Variants in CDC73 observed in about 807,000 individuals in gnomAD.
CDC73 encodes the protein cell division cycle 73.
Under a neutral mutation model 83.7 loss-of-function variants are expected in CDC73, and 21 were observed. The observed-to-expected ratio is 0.25, with a 90% CI of 0.18 to 0.36. The LOEUF is 0.36. Among genes scored for constraint, CDC73 ranks in the 10% least tolerant of loss-of-function variants. The pLI is 1.00. For synonymous variants in CDC73, 224 were observed against 212.9 expected (o/e 1.05, Z -0.45); for missense variants, 342 against 653.3 (o/e 0.52, Z 5.19).
At chr1:193,176,261 T>C (rs1378844907) in intron 10 of CDC73, among the ~76,000 whole-genome samples, 1 of 152,186 alleles carries the variant, frequency 6.6e-6, no homozygotes, top group Non-Finnish European at 1.5e-5. Context: ...CCTAAACCGT[T>C]TCCCTGATCT....
chr1:193,132,478 A>C (rs764120777), intron 3 of CDC73, among the ~76,000 whole-genome samples: 13 of 152,066 alleles, frequency 8.5e-5, no homozygotes, highest in South Asian at 2.1e-4. Context: ...GGATAGAAGA[A>C]ACTTTTTTTT....
rs760028950 is a variant in CDC73, at chr1:193,236,335, C to G, written c.1396C>G (p.Pro466Ala). 1 of 1,607,116 alleles carries G rather than the reference C, an allele frequency of 6.2e-7. No individual in the cohort carries two copies. Among genetic ancestry groups the G allele is most frequent in the Non-Finnish European group, 8.5e-7 (1 of 1,173,648 alleles). The change falls in exon 15 of 17, where the codon CCA becomes GCA. Residue 466 changes from proline (P) to alanine (A), a missense_variant. This residue lies in a region of CDC73 where 239 missense variants were observed against 420.6 expected (regional missense o/e 0.57). Transcript: ENST00000367435. ...GWPWLLPDGS[P>A]VDIFAKIKAF... ...GCCATGGCTTTTGCCTGATGGATCACCAGTTGATATATTTGCTAAAAGTAA... is the reference window on the plus strand; with the variant it reads ...GCCATGGCTTTTGCCTGATGGATCAGCAGTTGATATATTTGCTAAAAGTAA...
intron 10 of CDC73, chr1:193,186,748 T>C (rs1676817281): frequency 6.6e-6 from 1 of 152,166 alleles, no homozygotes; most frequent in Non-Finnish European, 1.5e-5. Context: ...TTTTATGTGA[T>C]AAATTATATA....
chr1:193,188,469 G>T (rs978774256), intron 10 of CDC73, among the ~76,000 whole-genome samples: 5 of 151,048 alleles, frequency 3.3e-5, no homozygotes, highest in African/African-American at 9.7e-5. Flanking sequence ...GAACACTGGC[G>T]CAGCATACCC....
intron 10 of CDC73, among the ~76,000 whole-genome samples, chr1:193,183,845 A>G (rs1323827090): frequency 4.0e-5 from 6 of 151,898 alleles, no homozygotes; most frequent in Non-Finnish European, 7.4e-5. Context: ...TTGAAGTCCA[A>G]TTATACAGAT....
chr1:193,136,159 A>G (rs926572374), intron 5 of CDC73, among the ~76,000 whole-genome samples: 5 of 152,166 alleles, frequency 3.3e-5, no homozygotes, highest in South Asian at 2.1e-4. Context: ...TTATGTTGCA[A>G]CTATTTTACT....
chr1:193,219,530 G>C (rs1294074961), intron 13 of CDC73, among the ~76,000 whole-genome samples: 1 of 152,048 alleles, frequency 6.6e-6, no homozygotes, highest in African/African-American at 2.4e-5. Flanking sequence ...AAGAAATCTG[G>C]TACATACATG....
intron 15 of CDC73, among the ~76,000 whole-genome samples, chr1:193,242,899 C>T (rs111984216): frequency 1.2e-4 from 18 of 151,632 alleles, no homozygotes; most frequent in South Asian, 6.3e-4. Flanking sequence ...CATTGTGCTG[C>T]GGTAAAACTG....
At chr1:193,239,598 A>G (rs760243178) in intron 15 of CDC73, among the ~76,000 whole-genome samples, 5 of 152,150 alleles carry the variant, frequency 3.3e-5, no homozygotes, top group Non-Finnish European at 7.4e-5. Flanking sequence ...GTTGGTTGAC[A>G]TTTAAAATTT....
intron 10 of CDC73, among the ~76,000 whole-genome samples, chr1:193,195,211 A>G (rs931594172): frequency 7.9e-5 from 12 of 152,102 alleles, no homozygotes; most frequent in Admixed American, 3.9e-4. Context: ...CAATCTTCCT[A>G]TTCAAACATT....
At chr1:193,153,678 A>G (rs762563810) in intron 10 of CDC73, among the ~76,000 whole-genome samples, 5 of 152,116 alleles carry the variant, frequency 3.3e-5, no homozygotes, top group Non-Finnish European at 7.4e-5. Context: ...ATATTTTGTT[A>G]ATATACTTGT....
intron 13 of CDC73, among the ~76,000 whole-genome samples, chr1:193,217,583 A>G (rs79730362): frequency 1.3e-3 from 194 of 151,548 alleles, no homozygotes; most frequent in Admixed American, 2.0e-3. Context: ...TCTTCCGCCA[A>G]TGTGTTCCTC....
chr1:193,218,600 A>G (rs1677410618), intron 13 of CDC73, among the ~76,000 whole-genome samples: 1 of 152,354 alleles, frequency 6.6e-6, no homozygotes, highest in East Asian at 1.9e-4. Flanking sequence ...AGAATCCACA[A>G]ATAAAGCTGC....
In CDC73 at chr1:193,250,953, T is replaced by C; in HGVS notation, c.*241T>C. On this transcript the variant is annotated 3_prime_UTR_variant, in exon 17 of 17. Coordinates refer to ENST00000367435, the MANE Select transcript of CDC73 (RefSeq NM_024529.5). ...ATTTTGATAGAAGTTTTTTCTCCATTGGTTAAATTAGCATTACTTAAAATT... is the reference window on the plus strand; with the variant it reads ...ATTTTGATAGAAGTTTTTTCTCCATCGGTTAAATTAGCATTACTTAAAATT... The C allele has an allele frequency of 2.0e-6, 1 of 509,206 alleles. No individual in the cohort carries two copies. The highest frequency in any genetic ancestry group is 3.5e-6 in the Non-Finnish European group (1 of 285,090). The allele number at this position is 509,206 out of a possible 1,614,324, so 31.5% of individuals were successfully genotyped here.
At position 193,252,340 on chromosome 1, in the gene CDC73, T is replaced by C. The variant is rs946076807; in HGVS notation, c.*1628T>C. ...ATATATTTCCAAAATAAATTACATG[T>C]TGTGTAAACTTTCTCCATGATGAAA... On this transcript the variant is annotated 3_prime_UTR_variant, in exon 17 of 17. Transcript: ENST00000367435. 8.7e-6 allele frequency: 2 copies of C among 230,030 alleles called. No homozygotes were observed. The highest frequency in any genetic ancestry group is 2.2e-5 in the African/African-American group (1 of 45,194). 14.2% of individuals were successfully genotyped at this position (230,030 alleles called of 1,614,324 possible). A position where few individuals can be genotyped will look rare whatever the true frequency, so the allele number is the denominator to read the frequency against.
intron 10 of CDC73, among the ~76,000 whole-genome samples, chr1:193,192,158 G>A (rs889122148): frequency 2.6e-5 from 4 of 151,964 alleles, no homozygotes; most frequent in Admixed American, 1.3e-4. Context: ...AGCAAGTGTT[G>A]GGAGCCAAGC....
rs113789575 is a variant in CDC73, at chr1:193,207,651, G to C, written c.1030+3799G>C. Among the ~76,000 whole-genome samples, 902 of 152,198 alleles carry C rather than the reference G, an allele frequency of 5.9e-3. 14 individuals carry two copies. Among genetic ancestry groups the C allele is most frequent in the Non-Finnish European group, 5.9e-3 (404 of 68,002 alleles). On this transcript the variant is annotated intron_variant, in intron 11 of 16. Coordinates refer to ENST00000367435, the MANE Select transcript of CDC73 (RefSeq NM_024529.5). Reference sequence around the variant, plus strand: ...AGAAAAATATGGCTGTATTCTGCCTGACCCCACAGGCAGGCAGACCTTATG... The same window carrying C: ...AGAAAAATATGGCTGTATTCTGCCTCACCCCACAGGCAGGCAGACCTTATG...
At position 193,253,269 on chromosome 1, in the gene CDC73, T is replaced by C. The variant is rs186656311; in HGVS notation, c.*2557T>C. 2 of 231,742 alleles carry C rather than the reference T, an allele frequency of 8.6e-6. No individual in the cohort carries two copies. The highest frequency in any genetic ancestry group is 4.4e-5 in the African/African-American group (2 of 45,368). 14.4% of individuals were successfully genotyped at this position (231,742 alleles called of 1,614,324 possible). A position where few individuals can be genotyped will look rare whatever the true frequency, so the allele number is the denominator to read the frequency against. ...TTGAGACAAGACCTGGTCATCAGTA[T>C]TTTTTTTAAAGTTCTCCAGGTAATT... On this transcript the variant is annotated 3_prime_UTR_variant, in exon 17 of 17. Transcript: ENST00000367435.
chr1:193,244,166 A>G (rs1246865345), intron 15 of CDC73, among the ~76,000 whole-genome samples: 1 of 152,252 alleles, frequency 6.6e-6, no homozygotes, highest in Non-Finnish European at 1.5e-5. Context: ...GGATGATTCA[A>G]CTTGATTATT....
Sources: gnomAD v4.1 joint callset for allele counts (sites outside exome capture counted in the v4.1 genomes callset) on GRCh38, gnomAD v4.1.1 for gene constraint, gnomAD v4.1.1 regional missense constraint, MANE v1.5 for transcripts, NCBI Gene and HGNC (gene_info 2026-07-23, HGNC 2026-07-21) for gene names.